GRM7: variants seen among roughly 807,000 people sequenced by gnomAD.
The protein encoded by GRM7 is glutamate metabotropic receptor 7, also known as metabotropic glutamate receptor 7.
A neutral mutation model predicts 84.5 loss-of-function variants in GRM7; 35 were observed. The observed-to-expected ratio is 0.41, with a 90% CI of 0.32 to 0.55. GRM7 has a LOEUF of 0.55. Among genes scored for constraint, GRM7 ranks in the 20% least tolerant of loss-of-function variants. The probability of loss-of-function intolerance (pLI) is 0.19; values close to 1 mark genes in which losing one functional copy is unlikely to be tolerated. For missense variants in GRM7, 1,003 were observed against 1,194.6 expected (o/e 0.84, Z 2.36); for synonymous variants, 487 against 455.1 (o/e 1.07, Z -0.89).
rs998168334 is a variant in GRM7 at position 6,876,998 on chromosome 3, T to G, written c.519+15091T>G. On this transcript the variant is annotated intron_variant, in intron 1 of 9. Coordinates refer to ENST00000357716, the MANE Select transcript of GRM7 (RefSeq NM_000844.4). ...CTCTTTTTGTAATGAAGTCTTTGTC[T>G]GATTGCAAGCTTACAGGAGGTGAGG... 4.6e-5 allele frequency among the ~76,000 whole-genome samples: 7 copies of G among 152,338 alleles called. No individual in the cohort carries two copies. In the South Asian group the frequency reaches 1.4e-3, roughly 32 times the overall value.
chr3:7,562,193 A>T (rs1021062564), intron 7 of GRM7, among the ~76,000 whole-genome samples: 3 of 152,154 alleles, frequency 2.0e-5, no homozygotes, highest in Admixed American at 1.3e-4. Flanking sequence ...CTTGCCAGCT[A>T]TTCACCAGGA....
intron 5 of GRM7, among the ~76,000 whole-genome samples, chr3:7,422,329 A>G (rs1461202683): frequency 6.6e-6 from 1 of 152,200 alleles, no homozygotes; most frequent in Non-Finnish European, 1.5e-5. Flanking sequence ...TGACCAATGG[A>G]ACCTTTTACA....
At chr3:7,729,253 C>T (rs1380562983) in intron 9 of GRM7, among the ~76,000 whole-genome samples, 1 of 152,206 alleles carries the variant, frequency 6.6e-6, no homozygotes, top group African/African-American at 2.4e-5. Context: ...CACGCATTTG[C>T]AGCTGAGGTC....
At chr3:6,923,724 A>G (rs1697205500) in intron 1 of GRM7, among the ~76,000 whole-genome samples, 2 of 152,196 alleles carry the variant, frequency 1.3e-5, no homozygotes, top group Non-Finnish European at 2.9e-5. Flanking sequence ...TGCTCTATCC[A>G]TGAATTATTT....
Position 7,516,974 on chromosome 3 carries a change from C to T in GRM7, c.1515+55252C>T, listed in dbSNP as rs532127722. Among the ~76,000 whole-genome samples, 3 of 152,260 alleles carry T rather than the reference C, an allele frequency of 2.0e-5. No homozygotes were observed. The East Asian group carries it at 5.8e-4, about 29-fold the overall frequency. Reference sequence around the variant, plus strand: ...CACCTTCCTGTAGACCCCACCTGCCCTCTGGACAGTCAGTCTCTCTGCTGC... The same window carrying T: ...CACCTTCCTGTAGACCCCACCTGCCTTCTGGACAGTCAGTCTCTCTGCTGC... On this transcript the variant is annotated intron_variant, in intron 7 of 9. Transcript: ENST00000357716.
intron 1 of GRM7, among the ~76,000 whole-genome samples, chr3:7,138,042 A>T (rs557707407): frequency 3.1e-3 from 473 of 152,154 alleles, no homozygotes; most frequent in Middle Eastern, 0.01. Flanking sequence ...TGGTAGAAGT[A>T]AAAATATTCC....
In GRM7 at chr3:7,098,751, C is replaced by G. The variant is rs78803428; in HGVS notation, c.520-47701C>G. ...TGGATAATAACCATATGAGGGACTC[C>G]ATTTGTTTCTACTGCAAGGTGGTGT... On this transcript the variant is annotated intron_variant, in intron 1 of 9. Transcript: ENST00000357716. Among the ~76,000 whole-genome samples the G allele has an allele frequency of 1.0e-2, 1,513 of 152,046 alleles. 16 individuals carry two copies. Among genetic ancestry groups the G allele is most frequent in the African/African-American group, 0.034 (1,411 of 41,524 alleles).
chr3:7,699,446 A>T (rs1461382429), intron 9 of GRM7, among the ~76,000 whole-genome samples: 2 of 152,204 alleles, frequency 1.3e-5, no homozygotes, highest in Non-Finnish European at 2.9e-5. Context: ...AGGAAAGGAA[A>T]AGCCTATGTA....
At chr3:7,296,004 G>A (rs1699801887) in intron 2 of GRM7, among the ~76,000 whole-genome samples, 1 of 152,064 alleles carries the variant, frequency 6.6e-6, no homozygotes, top group Admixed American at 6.6e-5. Flanking sequence ...GATGCTAGCT[G>A]TAGGCTTTTT....
chr3:6,975,102 G>A (rs2125098936), intron 1 of GRM7, among the ~76,000 whole-genome samples: 1 of 152,258 alleles, frequency 6.6e-6, no homozygotes, highest in South Asian at 2.1e-4. Flanking sequence ...AACATCTGTA[G>A]AAACACATGC....
intron 5 of GRM7, among the ~76,000 whole-genome samples, chr3:7,422,736 T>G (rs1696448634): frequency 6.6e-6 from 1 of 152,150 alleles, no homozygotes; most frequent in Non-Finnish European, 1.5e-5. Context: ...AGTCCTTTAT[T>G]TATTATTATT....
intron 1 of GRM7, among the ~76,000 whole-genome samples, chr3:6,970,923 A>G (rs1693728132): frequency 6.6e-6 from 1 of 152,128 alleles, no homozygotes; most frequent in Non-Finnish European, 1.5e-5. Flanking sequence ...CTGAGGTTGC[A>G]GTGAGCCAAG....
chr3:7,214,543 T>A (rs891757545), intron 2 of GRM7, among the ~76,000 whole-genome samples: 35 of 152,234 alleles, frequency 2.3e-4, no homozygotes, highest in African/African-American at 8.4e-4. Context: ...ATGCCTGGCA[T>A]ATAAATGTTT....
intron 2 of GRM7, among the ~76,000 whole-genome samples, chr3:7,150,236 C>T (rs7650218): frequency 0.22 from 33,271 of 151,896 alleles, 3,936 homozygotes; most frequent in Middle Eastern, 0.32. Flanking sequence ...CTATAAATGG[C>T]CTCACCCTTT....
chr3:7,391,450 A>G (rs1042679432), intron 4 of GRM7, among the ~76,000 whole-genome samples: 1 of 152,162 alleles, frequency 6.6e-6, no homozygotes, highest in African/African-American at 2.4e-5. Context: ...TGAGCAAACT[A>G]TCACAAGGAC....
chr3:7,123,478 G>A (rs1693291862), intron 1 of GRM7, among the ~76,000 whole-genome samples: 1 of 152,164 alleles, frequency 6.6e-6, no homozygotes, highest in African/African-American at 2.4e-5. Context: ...AATTAGATGG[G>A]TGTGGTGGCT....
chr3:7,275,950 A>AT (rs1699036642), intron 2 of GRM7, among the ~76,000 whole-genome samples: 1 of 152,066 alleles, frequency 6.6e-6, no homozygotes. Flanking sequence ...CTATCCCAGC[A>AT]TTGATTCCCT....
intron 7 of GRM7, among the ~76,000 whole-genome samples, chr3:7,483,429 A>G (rs1365058292): frequency 6.6e-6 from 1 of 152,180 alleles, no homozygotes. Flanking sequence ...AGAAAGCAAC[A>G]GAGGAGCAGA....
Position 7,434,395 on chromosome 3 carries a change from C to T in GRM7, c.1175-18212C>T, listed in dbSNP as rs890508739. 1.2e-4 allele frequency among the ~76,000 whole-genome samples: 18 copies of T among 152,172 alleles called. No individual in the cohort carries two copies. The East Asian group carries it at 1.4e-3, about 11-fold the overall frequency. ...ATCATAACGTAAATCAGTCTGGCAT[C>T]GGTGAATATGATCACAGCTGTAGAG... On this transcript the variant is annotated intron_variant, in intron 5 of 9. Coordinates refer to ENST00000357716, the MANE Select transcript of GRM7 (RefSeq NM_000844.4).
Sources: gnomAD v4.1 joint callset for allele counts (sites outside exome capture counted in the v4.1 genomes callset) on GRCh38, gnomAD v4.1.1 for gene constraint, MANE v1.5 for transcripts, NCBI Gene and HGNC (gene_info 2026-07-23, HGNC 2026-07-21) for gene names.